Variants in SPOCK3 observed in about 807,000 individuals in gnomAD.
The protein encoded by SPOCK3 is testican-3.
Under a neutral mutation model 56.6 loss-of-function variants are expected in SPOCK3, and 30 were observed. The observed-to-expected ratio is 0.53, with a 90% CI of 0.40 to 0.72. SPOCK3 has a LOEUF of 0.72. SPOCK3 is among the 30% of genes least tolerant of loss of function. The pLI, the probability that SPOCK3 is intolerant of heterozygous loss-of-function variation, is 0.00. For missense variants in SPOCK3, 527 were observed against 530.0 expected, an observed-to-expected ratio of 0.99 and a Z score of 0.06; for synonymous variants, 196 against 183.3, an observed-to-expected ratio of 1.07 and a Z score of -0.56.
At chr4:166,930,056 T>C (rs1739561889) in intron 4 of SPOCK3, among the ~76,000 whole-genome samples, 2 of 152,186 alleles carry the variant, frequency 1.3e-5, no homozygotes, top group South Asian at 4.1e-4. Context: ...GAATACTTTC[T>C]AATAAACTTT....
At chr4:167,167,971 A>G (rs1163010161) in intron 2 of SPOCK3, among the ~76,000 whole-genome samples, 1 of 152,078 alleles carries the variant, frequency 6.6e-6, no homozygotes, top group Non-Finnish European at 1.5e-5. Flanking sequence ...TTCTCATGGT[A>G]GTGAATAAGT....
chr4:166,779,520 A>G (rs905452975), intron 7 of SPOCK3, among the ~76,000 whole-genome samples: 1 of 152,104 alleles, frequency 6.6e-6, no homozygotes, highest in Non-Finnish European at 1.5e-5. Flanking sequence ...TTAAAACTAA[A>G]TTCACAAAGG....
intron 4 of SPOCK3, among the ~76,000 whole-genome samples, chr4:166,929,766 CCT>C (rs1409658279): frequency 6.6e-6 from 1 of 152,092 alleles, no homozygotes; most frequent in East Asian, 1.9e-4. Context: ...TATGATTTTT[CCT>C]CTTAGCCTTT....
chr4:167,043,828 C>G (rs996627687), intron 3 of SPOCK3, among the ~76,000 whole-genome samples: 13 of 151,804 alleles, frequency 8.6e-5, no homozygotes, highest in African/African-American at 2.7e-4. Flanking sequence ...CATTTTTGGA[C>G]TGGATTTGCC....
At chr4:167,045,340 T>C (rs1753616877) in intron 3 of SPOCK3, among the ~76,000 whole-genome samples, 3 of 152,140 alleles carry the variant, frequency 2.0e-5, no homozygotes, top group African/African-American at 2.4e-5. Flanking sequence ...TGACCCACTA[T>C]GAGCGTTTCT....
rs185322731 is a variant in SPOCK3, at chr4:166,869,258, C to A, written c.589+19872G>T. 4.2e-3 allele frequency among the ~76,000 whole-genome samples: 630 copies of A among 150,534 alleles called. 4 individuals carry two copies. The highest frequency in any genetic ancestry group is 6.2e-3 in the Non-Finnish European group (416 of 67,156). Reference sequence around the variant, plus strand: ...TGTTGGTCTTTTCAGTTCAAGCAATCAGAGTTAAACACATGCCAAATTATA... The same window carrying A: ...TGTTGGTCTTTTCAGTTCAAGCAATAAGAGTTAAACACATGCCAAATTATA... On this transcript the variant is annotated intron_variant, in intron 6 of 10. Transcript: ENST00000357545.
At chr4:166,892,824 T>C (rs961500791) in intron 5 of SPOCK3, among the ~76,000 whole-genome samples, 26 of 152,080 alleles carry the variant, frequency 1.7e-4, no homozygotes, top group African/African-American at 6.0e-4. Flanking sequence ...TACAGTCATT[T>C]GTTTAATAAG....
At chr4:167,199,280 T>G (rs886695195) in intron 2 of SPOCK3, among the ~76,000 whole-genome samples, 12 of 151,230 alleles carry the variant, frequency 7.9e-5, no homozygotes, top group Non-Finnish European at 1.6e-4. Flanking sequence ...AGATGTAGTG[T>G]TCCCCAGACA....
chr4:166,993,861 C>A (rs1014204452), intron 4 of SPOCK3, among the ~76,000 whole-genome samples: 4 of 152,100 alleles, frequency 2.6e-5, no homozygotes, highest in African/African-American at 9.7e-5. Context: ...TGAGTGCTTT[C>A]ATTGTGAAAA....
At chr4:166,925,345 C>T (rs1738965110) in intron 4 of SPOCK3, among the ~76,000 whole-genome samples, 1 of 152,022 alleles carries the variant, frequency 6.6e-6, no homozygotes, top group Non-Finnish European at 1.5e-5. Flanking sequence ...TAGTTTTTGA[C>T]CCTGCTCTAA....
At chr4:167,165,917 TAAGAAAATCTTTATTCTTAAAAAA>T (rs879499113) in intron 2 of SPOCK3, among the ~76,000 whole-genome samples, 1 of 152,020 alleles carries the variant, frequency 6.6e-6, no homozygotes, top group Non-Finnish European at 1.5e-5. Context: ...TGGAATGGGT[TAAGAAAATCTTTATTCTTAAAAAA>T]AAGAAAATCT....
At chr4:167,053,471 G>T (rs1226378867) in intron 3 of SPOCK3, among the ~76,000 whole-genome samples, 1 of 152,052 alleles carries the variant, frequency 6.6e-6, no homozygotes, top group Non-Finnish European at 1.5e-5. Context: ...GATCACTTGA[G>T]TTCAAGAGTT....
intron 7 of SPOCK3, among the ~76,000 whole-genome samples, chr4:166,766,639 C>T (rs1738105261): frequency 6.6e-6 from 1 of 152,114 alleles, no homozygotes; most frequent in Non-Finnish European, 1.5e-5. Flanking sequence ...CGATATTGGT[C>T]TAAAATTCTC....
chr4:166,836,147 A>G (rs1746594260), intron 6 of SPOCK3, among the ~76,000 whole-genome samples: 1 of 152,116 alleles, frequency 6.6e-6, no homozygotes, highest in African/African-American at 2.4e-5. Context: ...TTCTGCTCTC[A>G]AGTTGTCTGT....
intron 3 of SPOCK3, among the ~76,000 whole-genome samples, chr4:167,001,594 G>A (rs936714674): frequency 1.2e-4 from 18 of 152,038 alleles, no homozygotes; most frequent in Admixed American, 7.2e-4. Flanking sequence ...ATTGGTGATC[G>A]TTCATGGTTA....
chr4:167,115,282 C>T (rs1356529802), intron 2 of SPOCK3, among the ~76,000 whole-genome samples: 1 of 144,548 alleles, frequency 6.9e-6, no homozygotes, highest in Non-Finnish European at 1.5e-5. Flanking sequence ...GTATGTCCCG[C>T]AAAGTAAAAG....
At chr4:167,041,965 A>T (rs1254340862) in intron 3 of SPOCK3, among the ~76,000 whole-genome samples, 1 of 152,198 alleles carries the variant, frequency 6.6e-6, no homozygotes, top group Non-Finnish European at 1.5e-5. Context: ...CTTCCTCAAT[A>T]ATAAGCATTG....
At chr4:167,154,877 T>C (rs1764689504) in intron 2 of SPOCK3, among the ~76,000 whole-genome samples, 2 of 152,212 alleles carry the variant, frequency 1.3e-5, no homozygotes, top group Admixed American at 6.5e-5. Flanking sequence ...TCTAGCAAAG[T>C]AGTGACAATA....
chr4:167,178,520 C>T (rs941223460), intron 2 of SPOCK3, among the ~76,000 whole-genome samples: 60 of 152,132 alleles, frequency 3.9e-4, no homozygotes, highest in African/African-American at 1.4e-3. Flanking sequence ...ATTTCACCTC[C>T]TTCCTAACAT....
Sources: gnomAD v4.1 joint callset for allele counts (sites outside exome capture counted in the v4.1 genomes callset) on GRCh38, gnomAD v4.1.1 for gene constraint, MANE v1.5 for transcripts, NCBI Gene and HGNC (gene_info 2026-07-23, HGNC 2026-07-21) for gene names.